PAXIP1: variants seen among roughly 807,000 people sequenced by gnomAD.
PAXIP1 encodes PAX interacting protein 1, also known as PAX-interacting protein 1.
In PAXIP1, 19 loss-of-function variants were observed where a neutral mutation model predicts 140.6. The observed-to-expected ratio is 0.14, with a 90% confidence interval of 0.09 to 0.20. The LOEUF (loss-of-function observed/expected upper bound fraction) is 0.20, where lower values mean the gene tolerates loss of function less well. Ranked by LOEUF, PAXIP1 falls within the 10% of genes least tolerant of loss-of-function variation. The pLI is 1.00. For synonymous variants in PAXIP1, 442 were observed against 444.6 expected (o/e 0.99, Z 0.07); for missense variants, 920 against 1,208.6 (o/e 0.76, Z 3.54).
At position 154,963,663 on chromosome 7, in the gene PAXIP1, T is replaced by C; in HGVS notation, c.1989+8A>G. ...GCTCCTGGTCGCAGCTAAGGCTATT[T>C]TCCTTACCTGTGCATACGCGCTGCT... On this transcript the variant is annotated splice_region_variant and intron_variant, in intron 9 of 20. Transcript: ENST00000404141. The surrounding 1 kb of genome is among the most constrained non-coding windows in gnomAD (Gnocchi z 4.1). The C allele has an allele frequency of 6.3e-7, 1 of 1,594,494 alleles. No individual in the cohort carries two copies. The highest frequency in any genetic ancestry group is 8.6e-7 in the Non-Finnish European group (1 of 1,163,264).
chr7:154,969,056 G>T lies in PAXIP1; in HGVS notation c.1145C>A (p.Thr382Lys). 6.5e-7 allele frequency: 1 copy of T among 1,531,856 alleles called. No individual in the cohort carries two copies. The highest frequency in any genetic ancestry group is 8.8e-7 in the Non-Finnish European group (1 of 1,134,142). The allele number at this position is 1,531,856 out of a possible 1,614,324, so 94.9% of individuals were successfully genotyped here. ...QQVNHSQQGH[T>K]NANAVLFSQV... ...GCTAAACAGCACTGCATTGGCATTTGTATGTCCCTGCTGGCTGTGATTCAC... is the reference window on the plus strand; with the variant it reads ...GCTAAACAGCACTGCATTGGCATTTTTATGTCCCTGCTGGCTGTGATTCAC... Residue 382 changes from threonine (T) to lysine (K), a missense_variant, in exon 7 of 21, where the codon ACA (threonine) becomes AAA (lysine). Thr to Lys is a moderately conservative substitution (Grantham distance 78, BLOSUM62 -1). Transcript: ENST00000404141.
chr7:154,978,800 C>CA (rs1310422363), intron 5 of PAXIP1, among the ~76,000 whole-genome samples: 3 of 151,594 alleles, frequency 2.0e-5, no homozygotes, highest in East Asian at 1.9e-4. Context: ...TAACAAATAC[C>CA]AAAAAACAAA....
chr7:154,975,671 AT>A (rs1334079467), intron 6 of PAXIP1, 24 bp downstream of exon 6: 10 of 1,507,078 alleles, frequency 6.6e-6, no homozygotes, highest in Non-Finnish European at 9.2e-6. Context: ...CAATACTGAC[AT>A]TTTTTTCGGA....
chr7:154,944,119 G>A lies in PAXIP1; in HGVS notation c.*30C>T. 1 of 1,611,610 alleles carries A rather than the reference G, an allele frequency of 6.2e-7. No individual in the cohort carries two copies. The highest frequency in any genetic ancestry group is 8.5e-7 in the Non-Finnish European group (1 of 1,178,618). On this transcript the variant is annotated 3_prime_UTR_variant, in exon 21 of 21. Transcript: ENST00000404141. ...CCAGACAGCCAGCCCCGCACCGCAGGAGTCGACATGCACGGCAGCCTAGAC... is the reference window on the plus strand; with the variant it reads ...CCAGACAGCCAGCCCCGCACCGCAGAAGTCGACATGCACGGCAGCCTAGAC...
At chr7:154,959,146 C>G (rs1808650874) in intron 13 of PAXIP1, among the ~76,000 whole-genome samples, 3 of 152,178 alleles carry the variant, frequency 2.0e-5, no homozygotes, top group Non-Finnish European at 4.4e-5. Flanking sequence ...TGAAACTATT[C>G]TCCTCAGCTA....
chr7:154,975,523 TAC>T (rs35537788), intron 6 of PAXIP1, among the ~76,000 whole-genome samples, 171 bp downstream of exon 6: 46,938 of 150,122 alleles, frequency 0.31, 7,628 homozygotes, highest in East Asian at 0.38. Context: ...TATATACACA[TAC>T]ACACACACAC....
intron 2 of PAXIP1, among the ~76,000 whole-genome samples, chr7:154,995,541 G>C (rs1280206396): frequency 6.6e-6 from 1 of 152,142 alleles, no homozygotes; most frequent in Non-Finnish European, 1.5e-5. Context: ...TATCCTAAAG[G>C]CAAAGAACAA....
intron 17 of PAXIP1, chr7:154,947,452 T>C (rs1427810877): frequency 6.4e-6 from 1 of 156,844 alleles, no homozygotes; most frequent in East Asian, 1.9e-4. Flanking sequence ...ATCTAACATT[T>C]AAAAATCTTT....
chr7:154,977,968 T>C lies in PAXIP1; in HGVS notation c.439-1637A>G, dbSNP rs150739423. Among the ~76,000 whole-genome samples, 127 of 137,192 alleles carry C rather than the reference T, an allele frequency of 9.3e-4. 1 individual carries two copies. The East Asian group carries it at 0.013, about 14-fold the overall frequency. 90.0% of individuals were successfully genotyped at this position (137,192 alleles called of 152,430 possible). ...CGAACGCAGACCAAACTTTTTAATG[T>C]ACATTTTCGAACGCAGACCAAATTA... On this transcript the variant is annotated intron_variant, in intron 5 of 20. Coordinates refer to ENST00000404141, the MANE Select transcript of PAXIP1 (RefSeq NM_007349.4).
rs746913477 is a variant in PAXIP1, at chr7:154,955,617, G to A, written c.2564C>T (p.Pro855Leu). ...SSKRARIEDV[P>L]PPTKKLTPEL... ...TGGAGTTAGCTTTTTAGTGGGAGGTGGTACGTCTTCAATTCTGTGGAAGAA... is the reference window on the plus strand; with the variant it reads ...TGGAGTTAGCTTTTTAGTGGGAGGTAGTACGTCTTCAATTCTGTGGAAGAA... Residue 855 changes from proline to leucine, a missense_variant, in exon 15 of 21, where the codon CCA becomes CTA. This residue lies in a region of PAXIP1 where 303 missense variants were observed against 517.9 expected (regional missense o/e 0.59). Transcript: ENST00000404141. 2.5e-6 allele frequency: 4 copies of A among 1,577,048 alleles called. No individual in the cohort carries two copies. Among genetic ancestry groups the A allele is most frequent in the South Asian group, 2.3e-5 (2 of 85,338 alleles).
intron 16 of PAXIP1, chr7:154,952,139 T>C (rs1242944114): frequency 6.6e-6 from 1 of 152,258 alleles, no homozygotes; most frequent in Admixed American, 6.5e-5. Context: ...AATACCTTTT[T>C]AGAGTCAAAA....
In PAXIP1 at chr7:154,968,902, C is replaced by T. The variant is rs1221645588; in HGVS notation, c.1299G>A (p.Gln433=). 5 of 1,204,760 alleles carry T rather than the reference C, an allele frequency of 4.2e-6. No individual in the cohort carries two copies. The highest frequency in any genetic ancestry group is 4.8e-6 in the Non-Finnish European group (4 of 832,476). The allele number at this position is 1,204,760 out of a possible 1,614,324, so 74.6% of individuals were successfully genotyped here. A position where few individuals can be genotyped will look rare whatever the true frequency, so the allele number is the denominator to read the frequency against. The change falls in exon 7 of 21, where the codon CAG becomes CAA. Residue 433 remains glutamine (Q), a synonymous_variant. Transcript: ENST00000404141. ...GGGGGTAAGGTTGCTGAGAGATCTGCTGCTGCTGCTGCTGCTGGAGCTGCA... is the reference window on the plus strand; with the variant it reads ...GGGGGTAAGGTTGCTGAGAGATCTGTTGCTGCTGCTGCTGCTGGAGCTGCA... ...QIMQLQQQQQ[Q]QISQQPYPQQ...
rs1808731217 is a variant in PAXIP1, at chr7:154,960,968, G to C, written c.2359C>G (p.Gln787Glu). 1 of 1,604,578 alleles carries C rather than the reference G, an allele frequency of 6.2e-7. No individual in the cohort carries two copies. ...LGNFEALRQI[Q>E]YSRYTAFSLQ... The stretch of plus-strand genomic sequence containing the variant: ...CTGAATGCCGTGTAGCGACTATACT[G>C]AATCTGCCTCAGTGCCTCAAAGTTT... Residue 787 changes from glutamine (Q) to glutamate (E), a missense_variant, in exon 12 of 21, where the codon CAG (glutamine) becomes GAG (glutamate). This residue lies in a region of PAXIP1 where 303 missense variants were observed against 517.9 expected (regional missense o/e 0.59). Transcript: ENST00000404141.
chr7:154,990,344 T>C (rs1810272824), intron 4 of PAXIP1, among the ~76,000 whole-genome samples: 2 of 152,116 alleles, frequency 1.3e-5, no homozygotes, highest in Non-Finnish European at 2.9e-5. Context: ...CCCGGCCGAC[T>C]TGGGATAAGT....
intron 4 of PAXIP1, among the ~76,000 whole-genome samples, chr7:154,989,126 T>G (rs1316775032): frequency 6.6e-6 from 1 of 152,168 alleles, no homozygotes; most frequent in Non-Finnish European, 1.5e-5. Context: ...AGGATCTCCA[T>G]CAAATTAATG....
intron 5 of PAXIP1, 27 bp downstream of exon 5, chr7:154,983,192 A>G: frequency 8.6e-7 from 1 of 1,168,908 alleles, no homozygotes; most frequent in Non-Finnish European, 1.2e-6. Context: ...TGACATACAA[A>G]AAGAAGGTGG....
At position 154,992,274 on chromosome 7, in the gene PAXIP1, C is replaced by T. The variant is rs945770289; in HGVS notation, c.261-1205G>A. 5.9e-5 allele frequency among the ~76,000 whole-genome samples: 9 copies of T among 152,284 alleles called. No homozygotes were observed. In the East Asian group the frequency reaches 1.2e-3, roughly 20 times the overall value. On this transcript the variant is annotated intron_variant, in intron 3 of 20. Coordinates refer to ENST00000404141, the MANE Select transcript of PAXIP1 (RefSeq NM_007349.4). ...CTCAAAGAAGATCCCAGTGGCTGGGCGCGGTGGCTCATGCCTGTAATCCCA... is the reference window on the plus strand; with the variant it reads ...CTCAAAGAAGATCCCAGTGGCTGGGTGCGGTGGCTCATGCCTGTAATCCCA...
Position 154,976,295 on chromosome 7 carries a change from T to G in PAXIP1, c.475A>C (p.Lys159Gln). Reference protein sequence around the residue: ...YECALKRASIKIVTPDWVLDC... With the variant: ...YECALKRASIQIVTPDWVLDC... Reference sequence around the variant, plus strand: ...AGAACCCAGTCAGGAGTCACAATTTTAATACTTGCTCGCTTTAAAGCACAT... The same window carrying G: ...AGAACCCAGTCAGGAGTCACAATTTGAATACTTGCTCGCTTTAAAGCACAT... Residue 159 changes from lysine (K) to glutamine (Q), a missense_variant, in exon 6 of 21, where the codon AAA becomes CAA. Lys to Gln is a moderately conservative substitution (Grantham distance 53, BLOSUM62 1). This residue lies in a region of PAXIP1 where 419 missense variants were observed against 514.7 expected (regional missense o/e 0.81). Transcript: ENST00000404141. 6.2e-7 allele frequency: 1 copy of G among 1,608,398 alleles called. No individual in the cohort carries two copies. Among genetic ancestry groups the G allele is most frequent in the Non-Finnish European group, 8.5e-7 (1 of 1,177,580 alleles).
intron 5 of PAXIP1, among the ~76,000 whole-genome samples, chr7:154,978,772 A>G (rs1351984544): frequency 6.6e-6 from 1 of 152,240 alleles, no homozygotes; most frequent in Non-Finnish European, 1.5e-5. Context: ...TATGAAAAAA[A>G]GTTATTTTTA....
Sources: allele counts gnomAD v4.1 joint callset (sites outside exome capture counted in the v4.1 genomes callset), GRCh38; gene constraint gnomAD v4.1.1; regional missense constraint gnomAD v4.1.1; non-coding constraint Gnocchi (gnomAD v3.1); transcripts MANE v1.5; gene names NCBI Gene and HGNC (gene_info 2026-07-23, HGNC 2026-07-21).